The following BLTP3B variants were observed in gnomAD, a reference collection of about 807,000 sequenced individuals.
The protein encoded by BLTP3B is UHRF1 (ICBP90) binding protein 1-like.
the BLTP3B span, among the ~76,000 whole-genome samples, chr12:100,041,970 T>C: frequency 3.3e-5 from 5 of 152,202 alleles, no homozygotes; most frequent in Admixed American, 3.3e-4. Flanking sequence ...ATTTCTATAA[T>C]GTGTAATAAA....
chr12:100,084,695 T>A, the BLTP3B span: 1 of 1,577,558 alleles, frequency 6.3e-7, no homozygotes, highest in Non-Finnish European at 8.6e-7. Flanking sequence ...TTGAAAAATG[T>A]ACAACTTTCA....
At chr12:100,141,333 ATATACACATATATATGTGTAGTG>A in the BLTP3B span, among the ~76,000 whole-genome samples, 2 of 149,430 alleles carry the variant, frequency 1.3e-5, no homozygotes, top group African/African-American at 2.5e-5. Flanking sequence ...AATACTACAT[ATATACACATATATATGTGTAGTG>A]TATACACATA....
chr12:100,083,037 A>G, the BLTP3B span: 1 of 1,613,520 alleles, frequency 6.2e-7, no homozygotes, highest in Non-Finnish European at 8.5e-7. Flanking sequence ...TGAAATCTGC[A>G]AGTCTAACCA....
chr12:100,070,629 C>T, the BLTP3B span, among the ~76,000 whole-genome samples: 1 of 152,082 alleles, frequency 6.6e-6, no homozygotes, highest in African/African-American at 2.4e-5. Flanking sequence ...TCCCAGGATG[C>T]CATCTCTTAA....
At chr12:100,087,613 TA>T in the BLTP3B span, among the ~76,000 whole-genome samples, 3 of 151,958 alleles carry the variant, frequency 2.0e-5, no homozygotes, top group Non-Finnish European at 4.4e-5. Context: ...AGGCAAAGAA[TA>T]AAAAAAAGTA....
chr12:100,098,919 C>CAGAT, the BLTP3B span, among the ~76,000 whole-genome samples: 1,384 of 139,782 alleles, frequency 9.9e-3, 5 homozygotes, highest in South Asian at 0.013. Flanking sequence ...AAAATATAGA[C>CAGAT]AGATAGATAG....
chr12:100,083,832 T>G, the BLTP3B span, among the ~76,000 whole-genome samples: 1 of 152,310 alleles, frequency 6.6e-6, no homozygotes, highest in South Asian at 2.1e-4. Flanking sequence ...TTAAAAGTGC[T>G]TTGGTCCACA....
chr12:100,046,259 A>G, the BLTP3B span, among the ~76,000 whole-genome samples: 2 of 152,220 alleles, frequency 1.3e-5, no homozygotes, highest in Non-Finnish European at 2.9e-5. Flanking sequence ...TCATGCTACT[A>G]TAAAGATATA....
the BLTP3B span, among the ~76,000 whole-genome samples, chr12:100,125,902 T>A: frequency 2.0e-4 from 31 of 152,164 alleles, no homozygotes; most frequent in African/African-American, 7.5e-4. Context: ...ATGTGATAGG[T>A]CATACAATAA....
At chr12:100,107,604 C>A in the BLTP3B span, among the ~76,000 whole-genome samples, 2 of 151,738 alleles carry the variant, frequency 1.3e-5, no homozygotes, top group Non-Finnish European at 2.9e-5. Context: ...CACTGCACTC[C>A]AGCCTGGTGA....
chr12:100,130,145 A>G, the BLTP3B span, among the ~76,000 whole-genome samples: 3 of 152,188 alleles, frequency 2.0e-5, no homozygotes, highest in African/African-American at 7.2e-5. Flanking sequence ...TTTTTAGCAG[A>G]AACGGGGTTT....
At chr12:100,044,805 A>T in the BLTP3B span, among the ~76,000 whole-genome samples, 1 of 152,192 alleles carries the variant, frequency 6.6e-6, no homozygotes, top group Non-Finnish European at 1.5e-5. Flanking sequence ...CAGGAAGCCA[A>T]ATTGTCTCTG....
chr12:100,142,526 G>C, the BLTP3B span: 3 of 1,551,846 alleles, frequency 1.9e-6, no homozygotes, highest in Non-Finnish European at 1.8e-6. Context: ...CCCCGAAGCC[G>C]CAGGCTGACT....
At chr12:100,112,858 CA>C in the BLTP3B span, among the ~76,000 whole-genome samples, 9,475 of 60,576 alleles carry the variant, frequency 0.16, 250 homozygotes, top group African/African-American at 0.2. Flanking sequence ...GACTCCATCT[CA>C]AAAAAAAAAA....
At chr12:100,102,110 CTTTT>C in the BLTP3B span, among the ~76,000 whole-genome samples, 2 of 135,080 alleles carry the variant, frequency 1.5e-5, no homozygotes, top group Non-Finnish European at 1.6e-5. Flanking sequence ...CAACTTAACT[CTTTT>C]TTTTTTTTTT....
At chr12:100,042,074 C>A in the BLTP3B span, among the ~76,000 whole-genome samples, 1 of 152,136 alleles carries the variant, frequency 6.6e-6, no homozygotes, top group African/African-American at 2.4e-5. Context: ...TTACTATACT[C>A]TGAAAACTAT....
chr12:100,075,039 T>A, the BLTP3B span, among the ~76,000 whole-genome samples: 2 of 149,652 alleles, frequency 1.3e-5, no homozygotes, highest in African/African-American at 2.5e-5. Context: ...TGAGACGGAG[T>A]CTAGCTCTGT....
the BLTP3B span, among the ~76,000 whole-genome samples, chr12:100,096,386 C>T: frequency 6.6e-6 from 1 of 151,990 alleles, no homozygotes; most frequent in East Asian, 1.9e-4. Context: ...ACTTATATAA[C>T]TTAATTTTGC....
chr12:100,038,514 T>G, the BLTP3B span, among the ~76,000 whole-genome samples: 1 of 152,106 alleles, frequency 6.6e-6, no homozygotes, highest in Non-Finnish European at 1.5e-5. Context: ...TTTTATATTT[T>G]TAGTAGAGAT....
Sources: gnomAD v4.1 joint callset for allele counts (sites outside exome capture counted in the v4.1 genomes callset) on GRCh38, gnomAD v4.1.1 for gene constraint, MANE v1.5 for transcripts, NCBI Gene and HGNC (gene_info 2026-07-23, HGNC 2026-07-21) for gene names.